Variants in ULK2 observed in about 807,000 individuals in gnomAD.
ULK2 encodes the protein unc-51 like autophagy activating kinase 2, also known as serine/threonine-protein kinase ULK2.
In ULK2, 76 loss-of-function variants were observed where a neutral mutation model predicts 127.5. That is an observed-to-expected ratio of 0.60 (90% confidence interval 0.50 to 0.72). The LOEUF (loss-of-function observed/expected upper bound fraction) is 0.72. Among genes scored for constraint, ULK2 ranks in the 30% least tolerant of loss-of-function variants. ULK2 has a pLI of 0.00. For synonymous variants in ULK2, 452 were observed against 461.9 expected (o/e 0.98, Z 0.28); for missense variants, 1,144 against 1,295.9 (o/e 0.88, Z 1.80).
chr17:19,828,618 T>C (rs1370394187), intron 10 of ULK2, among the ~76,000 whole-genome samples: 1 of 151,994 alleles, frequency 6.6e-6, no homozygotes. Context: ...TCAAAACACA[T>C]TACTATAAAA....
At chr17:19,817,398 T>TA (rs982855949) in intron 12 of ULK2, among the ~76,000 whole-genome samples, 10 of 152,126 alleles carry the variant, frequency 6.6e-5, no homozygotes, top group East Asian at 3.8e-4. Flanking sequence ...CCACATTATG[T>TA]AAAAAAATAG....
chr17:19,817,207 G>A (rs941236988), intron 12 of ULK2, among the ~76,000 whole-genome samples: 1 of 152,138 alleles, frequency 6.6e-6, no homozygotes, highest in Non-Finnish European at 1.5e-5. Flanking sequence ...TTTTGAGAAA[G>A]TAAATTTTTA....
Position 19,783,768 on chromosome 17 carries a change from C to T in ULK2, c.2389G>A (p.Ala797Thr). The change falls in exon 22 of 27, where the codon GCT becomes ACT. Residue 797 changes from alanine (A) to threonine (T), a missense_variant. Physicochemically the swap from Ala to Thr is moderately conservative, Grantham distance 58. Coordinates refer to ENST00000395544, the MANE Select transcript of ULK2 (RefSeq NM_014683.4). The stretch of plus-strand genomic sequence containing the variant: ...AGCCCCTCTAGGCTGGGGGGTGAAG[C>T]ACCGTAAGGCACGTATCTCAGGCTG... ...APSLRYVPYG[A>T]SPPSLEGLIT... 1 of 1,601,340 alleles carries T rather than the reference C, an allele frequency of 6.2e-7. No homozygotes were observed. Among genetic ancestry groups the T allele is most frequent in the Non-Finnish European group, 8.5e-7 (1 of 1,173,620 alleles).
chr17:19,849,143 A>C (rs113052778), intron 5 of ULK2, among the ~76,000 whole-genome samples: 1 of 152,212 alleles, frequency 6.6e-6, no homozygotes. Flanking sequence ...AGAGAGAGAC[A>C]CACAAAAAGG....
At chr17:19,777,457 C>T (rs2086833139) in intron 26 of ULK2, 124 bp downstream of exon 26, 4 of 1,100,288 alleles carry the variant, frequency 3.6e-6, no homozygotes, top group Non-Finnish European at 5.0e-6. Context: ...CTGTGATTTG[C>T]ACAAGGCTGG....
intron 20 of ULK2, among the ~76,000 whole-genome samples, chr17:19,793,701 C>T (rs375470761): frequency 1.3e-4 from 20 of 152,256 alleles, no homozygotes; most frequent in African/African-American, 4.8e-4. Context: ...CCTACAGCTA[C>T]AGCAAACACT....
intron 22 of ULK2, among the ~76,000 whole-genome samples, chr17:19,782,531 A>G (rs965889829): frequency 2.0e-5 from 3 of 152,230 alleles, no homozygotes; most frequent in African/African-American, 7.2e-5. Context: ...GATTACTAAT[A>G]CCAAAGCTCT....
chr17:19,802,034 T>C, intron 15 of ULK2, 112 bp from the exon 16 acceptor site: 1 of 1,181,560 alleles, frequency 8.5e-7, no homozygotes, highest in Non-Finnish European at 1.2e-6. Context: ...AAATATGTAA[T>C]ACAGTCACAT....
In ULK2 at chr17:19,774,117, C is replaced by T. The variant is rs930767475; in HGVS notation, c.*2232G>A. The T allele has an allele frequency of 1.3e-5, 2 of 152,598 alleles. No homozygotes were observed. Among genetic ancestry groups the T allele is most frequent in the African/African-American group, 2.4e-5 (1 of 41,434 alleles). 9.5% of individuals were successfully genotyped at this position (152,598 alleles called of 1,614,324 possible). A position where few individuals can be genotyped will look rare whatever the true frequency, so the allele number is the denominator to read the frequency against. On this transcript the variant is annotated 3_prime_UTR_variant, in exon 27 of 27. Transcript: ENST00000395544. ...ATGAATGTATGAACTGGTACATTTCCACTCTATGAAACACGATATGAAATT... is the reference window on the plus strand; with the variant it reads ...ATGAATGTATGAACTGGTACATTTCTACTCTATGAAACACGATATGAAATT...
intron 1 of ULK2, 25 bp from the exon 2 acceptor site, chr17:19,865,853 C>A: frequency 7.3e-7 from 1 of 1,369,536 alleles, no homozygotes; most frequent in Non-Finnish European, 1.0e-6. Flanking sequence ...CAGTGTTACT[C>A]CTAGATACCA....
intron 3 of ULK2, among the ~76,000 whole-genome samples, chr17:19,850,062 C>T (rs2041978456): frequency 6.6e-6 from 1 of 152,066 alleles, no homozygotes; most frequent in South Asian, 2.1e-4. Flanking sequence ...CCTAAAACAA[C>T]AGATCTAGGA....
intron 3 of ULK2, 92 bp from the exon 4 acceptor site, chr17:19,849,866 A>G: frequency 2.7e-6 from 2 of 748,160 alleles, no homozygotes; most frequent in Non-Finnish European, 4.3e-6. Flanking sequence ...CTTGTTCATT[A>G]TTAAAACTGG....
intron 3 of ULK2, among the ~76,000 whole-genome samples, chr17:19,859,954 G>A (rs2042207542): frequency 6.6e-6 from 1 of 152,180 alleles, no homozygotes. Flanking sequence ...TGAGTTTATG[G>A]TGTGAGCCAC....
chr17:19,796,585 T>G (rs1225588419), intron 18 of ULK2, among the ~76,000 whole-genome samples: 3 of 152,196 alleles, frequency 2.0e-5, no homozygotes, highest in Non-Finnish European at 4.4e-5. Flanking sequence ...AACCTGGCCT[T>G]TAATCATCCA....
At chr17:19,858,412 A>C (rs2042176015) in intron 3 of ULK2, among the ~76,000 whole-genome samples, 1 of 152,082 alleles carries the variant, frequency 6.6e-6, no homozygotes, top group Non-Finnish European at 1.5e-5. Flanking sequence ...AAAAGAAAAA[A>C]AAAAGAAATA....
At chr17:19,780,896 T>G (rs1297604315) in intron 24 of ULK2, 90 bp downstream of exon 24, 8 of 1,249,558 alleles carry the variant, frequency 6.4e-6, no homozygotes, top group Non-Finnish European at 9.2e-6. Context: ...AAAACAACAG[T>G]GAGTACTCAT....
chr17:19,780,251 A>T (rs205094), intron 25 of ULK2, among the ~76,000 whole-genome samples: 146,208 of 152,202 alleles, frequency 0.96, 70,420 homozygotes, highest in African/African-American at 0.99. Context: ...TAATAAACTT[A>T]TAGCAAATGT....
rs1461417786 is a variant in ULK2 at position 19,855,277 on chromosome 17, G to A, written c.226-5503C>T. ...AAATTAGCCAGGCATGGTGGCGGGC[G>A]CCTGTAGTCCCAGCTACGCGGGAGG... On this transcript the variant is annotated intron_variant, in intron 3 of 26. Transcript: ENST00000395544. 3.3e-5 allele frequency among the ~76,000 whole-genome samples: 5 copies of A among 151,756 alleles called. No individual in the cohort carries two copies. In the East Asian group the frequency reaches 5.8e-4, roughly 18 times the overall value.
chr17:19,824,661 T>C (rs2041244359), intron 12 of ULK2, among the ~76,000 whole-genome samples: 1 of 152,006 alleles, frequency 6.6e-6, no homozygotes, highest in Non-Finnish European at 1.5e-5. Flanking sequence ...AGAATCTAAG[T>C]CAGTGAAATC....
Sources: allele counts gnomAD v4.1 joint callset (sites outside exome capture counted in the v4.1 genomes callset), GRCh38; gene constraint gnomAD v4.1.1; transcripts MANE v1.5; gene names NCBI Gene and HGNC (gene_info 2026-07-23, HGNC 2026-07-21).